Variants in LRRTM4 observed in about 807,000 individuals in gnomAD.
LRRTM4 encodes leucine rich repeat transmembrane neuronal 4, also known as leucine-rich repeat transmembrane neuronal protein 4.
Under a neutral mutation model 47.6 loss-of-function variants are expected in LRRTM4, and 25 were observed. The observed-to-expected ratio is 0.53, with a 90% CI of 0.38 to 0.73. The LOEUF (loss-of-function observed/expected upper bound fraction) is 0.73. Among genes scored for constraint, LRRTM4 ranks in the 30% least tolerant of loss-of-function variants. LRRTM4 has a pLI of 0.00. For synonymous variants in LRRTM4, 311 were observed against 269.5 expected, an observed-to-expected ratio of 1.15 and a Z score of -1.51; for missense variants, 638 against 713.4, an observed-to-expected ratio of 0.89 and a Z score of 1.20.
At chr2:77,159,787 C>A (rs1272395391) in intron 3 of LRRTM4, among the ~76,000 whole-genome samples, 2 of 146,990 alleles carry the variant, frequency 1.4e-5, no homozygotes, top group African/African-American at 5.4e-5. Flanking sequence ...TTCTGTATGA[C>A]TTTTTTGCTT....
chr2:77,170,672 C>G (rs1335766394), intron 3 of LRRTM4, among the ~76,000 whole-genome samples: 1 of 152,044 alleles, frequency 6.6e-6, no homozygotes, highest in Non-Finnish European at 1.5e-5. Context: ...AGAAAAGCAT[C>G]TTTAAACTTC....
At chr2:77,387,412 C>T (rs930953632) in intron 3 of LRRTM4, among the ~76,000 whole-genome samples, 5 of 152,072 alleles carry the variant, frequency 3.3e-5, no homozygotes, top group Non-Finnish European at 7.4e-5. Context: ...GCAGGCTAAC[C>T]AGTATGTCTC....
intron 3 of LRRTM4, among the ~76,000 whole-genome samples, chr2:77,219,179 G>A (rs995253858): frequency 6.6e-6 from 1 of 152,098 alleles, no homozygotes; most frequent in East Asian, 1.9e-4. Context: ...ATTTGAGTAG[G>A]GGGAGAGCTT....
chr2:76,760,616 G>A (rs1015400964), intron 3 of LRRTM4, among the ~76,000 whole-genome samples: 2 of 152,076 alleles, frequency 1.3e-5, no homozygotes, highest in Non-Finnish European at 2.9e-5. Context: ...GCTACTCATT[G>A]TCAAATCTCG....
intron 3 of LRRTM4, among the ~76,000 whole-genome samples, chr2:77,312,433 C>G (rs1429276650): frequency 6.6e-6 from 1 of 152,102 alleles, no homozygotes; most frequent in Non-Finnish European, 1.5e-5. Context: ...AATTTTAGAT[C>G]AGTAGGCTTG....
intron 3 of LRRTM4, among the ~76,000 whole-genome samples, chr2:77,393,925 C>A: frequency 6.6e-6 from 1 of 151,916 alleles, no homozygotes; most frequent in South Asian, 2.1e-4. Flanking sequence ...TAAAGACAAA[C>A]AAAATAATTT....
intron 3 of LRRTM4, among the ~76,000 whole-genome samples, chr2:76,798,816 C>G (rs1409817472): frequency 6.6e-6 from 1 of 151,960 alleles, no homozygotes; most frequent in East Asian, 1.9e-4. Flanking sequence ...GAGAATACTA[C>G]AAACACCTCT....
At chr2:77,339,596 G>T (rs749692375) in intron 3 of LRRTM4, among the ~76,000 whole-genome samples, 4 of 152,060 alleles carry the variant, frequency 2.6e-5, no homozygotes, top group Non-Finnish European at 4.4e-5. Context: ...AAGTAAAAAT[G>T]AAGTGGTGAA....
chr2:77,077,024 T>C (rs1484393027), intron 3 of LRRTM4, among the ~76,000 whole-genome samples: 1 of 152,148 alleles, frequency 6.6e-6, no homozygotes, highest in East Asian at 1.9e-4. Context: ...TTGTAATCCA[T>C]TCCCTTCCCC....
intron 3 of LRRTM4, among the ~76,000 whole-genome samples, chr2:77,400,072 C>T (rs1673882431): frequency 6.6e-6 from 1 of 151,804 alleles, no homozygotes; most frequent in Non-Finnish European, 1.5e-5. Context: ...ACCTCACCAC[C>T]CTATTCTCTG....
intron 3 of LRRTM4, among the ~76,000 whole-genome samples, chr2:76,910,107 C>A (rs1235284075): frequency 2.0e-5 from 3 of 152,008 alleles, no homozygotes; most frequent in Admixed American, 1.3e-4. Context: ...AAATGTCCAA[C>A]AATGATAGAC....
rs79841896 is a variant in LRRTM4 at position 76,852,677 on chromosome 2, T to C, written c.1552-103761A>G. ...CATACAAAAAGAATTTCAACTTTCC[T>C]GGTCCTGAAATATGCAAATATGATA... On this transcript the variant is annotated intron_variant, in intron 3 of 3. Coordinates refer to ENST00000409884, the MANE Select transcript of LRRTM4 (RefSeq NM_001134745.3). Among the ~76,000 whole-genome samples, 17 of 152,334 alleles carry C rather than the reference T, an allele frequency of 1.1e-4. No individual in the cohort carries two copies. In the East Asian group the frequency reaches 3.3e-3, roughly 29 times the overall value.
intron 3 of LRRTM4, among the ~76,000 whole-genome samples, chr2:76,766,364 T>G (rs1395867003): frequency 6.6e-6 from 1 of 152,174 alleles, no homozygotes; most frequent in African/African-American, 2.4e-5. Context: ...ATTAATACAT[T>G]TTCTTAAGAT....
chr2:77,498,645 G>A (rs1678453790), intron 3 of LRRTM4, among the ~76,000 whole-genome samples: 1 of 150,566 alleles, frequency 6.6e-6, no homozygotes. Context: ...CAGAGACCCT[G>A]TGAGATAGTG....
Position 76,748,554 on chromosome 2 carries a change from TTTTCTTTTCTCTA to T in LRRTM4, c.*128_*140del. 1.4e-6 allele frequency: 1 copy of T among 700,494 alleles called. No individual in the cohort carries two copies. The highest frequency in any genetic ancestry group is 2.3e-6 in the Non-Finnish European group (1 of 425,838). The allele number at this position is 700,494 out of a possible 1,614,324, so 43.4% of individuals were successfully genotyped here. On this transcript the variant is annotated 3_prime_UTR_variant, in exon 4 of 4. Coordinates refer to ENST00000409884, the MANE Select transcript of LRRTM4 (RefSeq NM_001134745.3). ...CTCTTCAAGCAGTTTTTTTTTCTCTTTTTCTTTTCTCTATGCCATAAATGTTTTAACAGGAACG... is the reference window on the plus strand; with the variant it reads ...CTCTTCAAGCAGTTTTTTTTTCTCTTTGCCATAAATGTTTTAACAGGAACG...
At chr2:77,142,269 AT>A (rs1252179057) in intron 3 of LRRTM4, among the ~76,000 whole-genome samples, 1 of 152,132 alleles carries the variant, frequency 6.6e-6, no homozygotes, top group Non-Finnish European at 1.5e-5. Flanking sequence ...ATTTTGGAAG[AT>A]TTTTTAGAAG....
At chr2:76,792,088 A>G (rs1675004519) in intron 3 of LRRTM4, among the ~76,000 whole-genome samples, 1 of 152,076 alleles carries the variant, frequency 6.6e-6, no homozygotes, top group Admixed American at 6.6e-5. Flanking sequence ...GAATACTTAA[A>G]ATATAAATGC....
At chr2:76,849,233 G>T (rs888148747) in intron 3 of LRRTM4, among the ~76,000 whole-genome samples, 1 of 152,204 alleles carries the variant, frequency 6.6e-6, no homozygotes, top group East Asian at 1.9e-4. Context: ...CCAAGGAAGG[G>T]CAATCATCTG....
chr2:77,406,118 G>A (rs1674171613), intron 3 of LRRTM4, among the ~76,000 whole-genome samples: 1 of 152,042 alleles, frequency 6.6e-6, no homozygotes, highest in Admixed American at 6.6e-5. Flanking sequence ...ATAGTGTCCT[G>A]TCTTCTTTCA....
Sources: allele counts gnomAD v4.1 joint callset (sites outside exome capture counted in the v4.1 genomes callset), GRCh38; gene constraint gnomAD v4.1.1; transcripts MANE v1.5; gene names NCBI Gene and HGNC (gene_info 2026-07-23, HGNC 2026-07-21).